The following C5orf34 variants were observed in gnomAD, a reference collection of about 807,000 sequenced individuals.
C5orf34 encodes uncharacterized protein C5orf34.
A neutral mutation model predicts 78.4 loss-of-function variants in C5orf34; 73 were observed. That is an observed-to-expected ratio of 0.93 (90% confidence interval 0.77 to 1.13). The LOEUF (loss-of-function observed/expected upper bound fraction) is 1.13, where lower values mean the gene tolerates loss of function less well. Ranked by LOEUF, C5orf34 falls within the 50% of genes most tolerant of loss-of-function variation. C5orf34 has a pLI of 0.00. For missense variants in C5orf34, 730 were observed against 732.7 expected, an observed-to-expected ratio of 1.00 and a Z score of 0.04; for synonymous variants, 251 against 246.6, an observed-to-expected ratio of 1.02 and a Z score of -0.17.
chr5:43,496,510 T>G, intron 6 of C5orf34: 1 of 1,382,068 alleles, frequency 7.2e-7, no homozygotes, highest in South Asian at 1.5e-5. Flanking sequence ...AAACCCATTG[T>G]GGGAAAAAAA....
chr5:43,503,653 T>G lies in C5orf34; in HGVS notation c.1028+12A>C. The G allele has an allele frequency of 2.6e-6, 4 of 1,555,506 alleles. No individual in the cohort carries two copies. The highest frequency in any genetic ancestry group is 3.6e-6 in the Non-Finnish European group (4 of 1,126,640). On this transcript the variant is annotated intron_variant, in intron 5 of 12. Coordinates refer to ENST00000306862, the MANE Select transcript of C5orf34 (RefSeq NM_198566.4). The stretch of plus-strand genomic sequence containing the variant: ...TCTAACTCCAACATAGAAGCCAACA[T>G]AGGTGCCTTACCTATATGTAACACC...
chr5:43,514,879 T>A lies in C5orf34; in HGVS notation c.-110A>T, dbSNP rs767349817. On this transcript the variant is annotated 5_prime_UTR_variant, in exon 1 of 13. Transcript: ENST00000306862. ...CTGGCTTTGATTTGCCAAAATGCTC[T>A]GGAAGCCGCAGCGTCGGCGCCTGCC... The A allele has an allele frequency of 2.6e-5, 4 of 152,198 alleles. No individual in the cohort carries two copies. Among genetic ancestry groups the A allele is most frequent in the Admixed American group, 6.5e-5 (1 of 15,282 alleles). The allele number at this position is 152,198 out of a possible 1,614,324, so 9.4% of individuals were successfully genotyped here.
chr5:43,503,889 T>C (rs1369746337), intron 4 of C5orf34, 129 bp from the exon 5 acceptor site: 1 of 615,112 alleles, frequency 1.6e-6, no homozygotes, highest in Non-Finnish European at 2.9e-6. Context: ...GAATAAAAAT[T>C]AATATGAAGG....
chr5:43,487,994 T>C (rs759509164), intron 11 of C5orf34, 45 bp from the exon 12 acceptor site: 2 of 1,502,268 alleles, frequency 1.3e-6, no homozygotes, highest in Non-Finnish European at 1.8e-6. Flanking sequence ...TCTGATTCTT[T>C]TGTATTCATG....
At chr5:43,509,499 AC>A (rs1746132353) in intron 1 of C5orf34, 124 bp from the exon 2 acceptor site, 1 of 551,510 alleles carries the variant, frequency 1.8e-6, no homozygotes, top group Non-Finnish European at 3.1e-6. Context: ...TGTTAAGAAT[AC>A]TAACTACACT....
At chr5:43,495,773 A>C (rs1745490374) in intron 6 of C5orf34, 6 of 1,581,622 alleles carry the variant, frequency 3.8e-6, no homozygotes, top group Non-Finnish European at 5.2e-6. Context: ...CAGAGCCTCA[A>C]GCAGCATGGT....
At chr5:43,514,164 G>A (rs544530225) in intron 1 of C5orf34, 2 of 152,258 alleles carry the variant, frequency 1.3e-5, no homozygotes, top group South Asian at 4.1e-4. Flanking sequence ...TTTGGAACCT[G>A]ACTCTCTCTA....
At chr5:43,488,900 G>A (rs1310487999) in intron 11 of C5orf34, among the ~76,000 whole-genome samples, 1 of 152,032 alleles carries the variant, frequency 6.6e-6, no homozygotes, top group African/African-American at 2.4e-5. Flanking sequence ...GTTCGTAGTA[G>A]GTTGTGTGAC....
At chr5:43,506,420 G>A in intron 3 of C5orf34, 26 bp from the exon 4 acceptor site, 2 of 1,556,520 alleles carry the variant, frequency 1.3e-6, no homozygotes, top group African/African-American at 2.7e-5. Flanking sequence ...AAAAGAGACG[G>A]TGAGTATTTT....
In C5orf34 at chr5:43,506,021, C is replaced by A. The variant is rs755422400; in HGVS notation, c.659G>T (p.Gly220Val). Residue 220 changes from glycine (G) to valine (V), a missense_variant, in exon 4 of 13, where the codon GGG becomes GTG. By Grantham distance (109) the Gly-to-Val change is moderately radical. Transcript: ENST00000306862. ...KKMSCVNGTE[G>V]REELPSPGTK... is the part of the protein sequence containing the mutation. Reference sequence around the variant, plus strand: ...ACCAGGCGAAGGCAGCTCTTCCCTCCCTTCAGTTCCATTTACACAACTCAT... The same window carrying A: ...ACCAGGCGAAGGCAGCTCTTCCCTCACTTCAGTTCCATTTACACAACTCAT... 1 of 1,614,186 alleles carries A rather than the reference C, an allele frequency of 6.2e-7. No homozygotes were observed. Among genetic ancestry groups the A allele is most frequent in the Non-Finnish European group, 8.5e-7 (1 of 1,180,036 alleles).
intron 11 of C5orf34, 97 bp downstream of exon 11, chr5:43,490,534 T>C: frequency 1.3e-6 from 1 of 753,920 alleles, no homozygotes; most frequent in Non-Finnish European, 2.2e-6. Context: ...CTAAGAAAGT[T>C]TTTTTGGGGA....
intron 1 of C5orf34, among the ~76,000 whole-genome samples, chr5:43,510,426 CCTCCCTCTCCCTCTCCCCACGGT>C (rs950117490): frequency 7.2e-5 from 11 of 152,216 alleles, no homozygotes; most frequent in South Asian, 6.2e-4. Flanking sequence ...AGTTGGGTTT[CCTCCCTCTCCCTCTCCCCACGGT>C]CTCCCTCTCC....
intron 4 of C5orf34, among the ~76,000 whole-genome samples, chr5:43,504,373 CA>C (rs1330100667): frequency 2.0e-5 from 3 of 151,598 alleles, no homozygotes. Flanking sequence ...ATATAACAAC[CA>C]AAAAAATGTA....
chr5:43,497,936 A>G (rs1745610032), intron 6 of C5orf34, among the ~76,000 whole-genome samples: 1 of 152,192 alleles, frequency 6.6e-6, no homozygotes, highest in Non-Finnish European at 1.5e-5. Context: ...CCTAGAACTC[A>G]GTTCCCTCCT....
intron 6 of C5orf34, chr5:43,496,032 G>A: frequency 6.3e-7 from 1 of 1,591,458 alleles, no homozygotes; most frequent in South Asian, 1.1e-5. Flanking sequence ...TTCACACCCA[G>A]TGTGTAAGCC....
At chr5:43,510,404 G>A (rs1411808011) in intron 1 of C5orf34, among the ~76,000 whole-genome samples, 1 of 152,138 alleles carries the variant, frequency 6.6e-6, no homozygotes, top group Admixed American at 6.5e-5. Context: ...AGTGACAGAA[G>A]GGGAATTAAA....
chr5:43,503,565 G>A, intron 5 of C5orf34, 100 bp downstream of exon 5: 1 of 825,976 alleles, frequency 1.2e-6, no homozygotes, highest in South Asian at 1.4e-5. Context: ...ACAGAACTGT[G>A]TCCTCTTCTG....
intron 1 of C5orf34, among the ~76,000 whole-genome samples, chr5:43,512,785 T>C (rs1746327891): frequency 2.1e-5 from 1 of 48,056 alleles, no homozygotes; most frequent in Non-Finnish European, 4.5e-5. Context: ...TTTTTTTTTT[T>C]TTTTTTTTTT....
In C5orf34 at chr5:43,514,902, G is replaced by T. The variant is rs1322653550; in HGVS notation, c.-133C>A. The T allele has an allele frequency of 2.0e-5, 3 of 152,132 alleles. No homozygotes were observed. The highest frequency in any genetic ancestry group is 7.2e-5 in the African/African-American group (3 of 41,416). 9.4% of individuals were successfully genotyped at this position (152,132 alleles called of 1,614,324 possible). A position where few individuals can be genotyped will look rare whatever the true frequency, so the allele number is the denominator to read the frequency against. ...TCTGGAAGCCGCAGCGTCGGCGCCT[G>T]CCCACCACTGCTTCTTCAGGGGTTT... On this transcript the variant is annotated 5_prime_UTR_variant, in exon 1 of 13. Transcript: ENST00000306862.
Sources: allele counts gnomAD v4.1 joint callset (sites outside exome capture counted in the v4.1 genomes callset), GRCh38; gene constraint gnomAD v4.1.1; transcripts MANE v1.5; gene names NCBI Gene and HGNC (gene_info 2026-07-23, HGNC 2026-07-21).